Variants in POU2F2 observed in about 807,000 individuals in gnomAD.
The protein encoded by POU2F2 is POU class 2 homeobox 2.
POU2F2 carries 14 observed loss-of-function variants against 63.5 expected under a neutral mutation model. That is an observed-to-expected ratio of 0.22 (90% CI 0.15 to 0.34). The LOEUF (loss-of-function observed/expected upper bound fraction) is 0.34. POU2F2 is among the 10% of genes least tolerant of loss of function. POU2F2 has a pLI of 1.00. For synonymous variants in POU2F2, 306 were observed against 348.6 expected, an observed-to-expected ratio of 0.88 and a Z score of 1.36; for missense variants, 607 against 815.2, an observed-to-expected ratio of 0.74 and a Z score of 3.11.
rs1357875720 is a variant in POU2F2 at position 42,169,611 on chromosome 19, G to A, written c.-70+6352C>T. Among the ~76,000 whole-genome samples the A allele has an allele frequency of 1.3e-5, 2 of 152,220 alleles. No homozygotes were observed. The highest frequency in any genetic ancestry group is 6.5e-5 in the Admixed American group (1 of 15,290). On this transcript the variant is annotated intron_variant, in intron 1 of 6. Transcript: ENST00000524801. The surrounding 1 kb of genome is among the most constrained non-coding windows in gnomAD (Gnocchi z 4.3). ...ACCCAAGGGTGCACATGGCTACCAT[G>A]TGTTTCAGAATCTGTGTATGTCTCT...
At chr19:42,195,362 TCA>T (rs1004546834) in intron 1 of POU2F2, among the ~76,000 whole-genome samples, 1 of 136,386 alleles carries the variant, frequency 7.3e-6, no homozygotes, top group African/African-American at 2.8e-5. Context: ...AGACGGAGTC[TCA>T]TTCTGTCGCC....
intron 2 of POU2F2, among the ~76,000 whole-genome samples, chr19:42,141,473 C>CTTTTTT (rs58221767): frequency 1.4e-4 from 14 of 98,966 alleles, no homozygotes; most frequent in Non-Finnish European, 1.9e-4. Flanking sequence ...CTTAATTAAT[C>CTTTTTT]TTTTTTTTTT....
At position 42,088,320 on chromosome 19, in the gene POU2F2, G is replaced by GGCTGCACA. The variant is rs1440748147; in HGVS notation, c.*2929_*2936dup. The GGCTGCACA allele has an allele frequency of 6.6e-6, 1 of 151,944 alleles. No individual in the cohort carries two copies. Among genetic ancestry groups the GGCTGCACA allele is most frequent in the Non-Finnish European group, 1.5e-5 (1 of 67,978 alleles). The allele number at this position is 151,944 out of a possible 1,614,324, so 9.4% of individuals were successfully genotyped here. ...GATGGGGAGGGTCCCCAGCACCCCCGGCTGCACAGGGGTCCCTCCACCAAC... is the reference window on the plus strand; with the variant it reads ...GATGGGGAGGGTCCCCAGCACCCCCGGCTGCACAGCTGCACAGGGGTCCCTCCACCAAC... On this transcript the variant is annotated 3_prime_UTR_variant, in exon 15 of 15. Coordinates refer to ENST00000692977, the MANE Select transcript of POU2F2 (RefSeq NM_001394376.1).
Position 42,162,377 on chromosome 19 carries a change from T to C in POU2F2, c.-69-1985A>G, listed in dbSNP as rs1410304963. The stretch of plus-strand genomic sequence containing the variant: ...GAGACAGTCCATGGGATCTAGGAGC[T>C]GTATTCCCAGCAGTGCCTTAAGACT... On this transcript the variant is annotated intron_variant, in intron 1 of 6. Coordinates refer to the POU2F2 transcript ENST00000524801. This position sits in a 1 kb window ranked among gnomAD's most constrained non-coding sequence, Gnocchi z 4.1. 6.6e-6 allele frequency among the ~76,000 whole-genome samples: 1 copy of C among 152,022 alleles called. No individual in the cohort carries two copies. Among genetic ancestry groups the C allele is most frequent in the Non-Finnish European group, 1.5e-5 (1 of 68,002 alleles).
At chr19:42,187,331 G>A (rs1383998515) in intron 1 of POU2F2, among the ~76,000 whole-genome samples, 1 of 151,832 alleles carries the variant, frequency 6.6e-6, no homozygotes, top group African/African-American at 2.4e-5. Context: ...CGGGCGTGGT[G>A]GAGGGTGCCT....
chr19:42,195,732 C>T (rs547158475), intron 1 of POU2F2, among the ~76,000 whole-genome samples: 1 of 140,190 alleles, frequency 7.1e-6, no homozygotes, highest in South Asian at 2.6e-4. Flanking sequence ...TTCCCTCCCT[C>T]CCTCCCTTCC....
upstream of POU2F2, among the ~76,000 whole-genome samples, chr19:42,135,479 G>A (rs1378971790): frequency 6.6e-6 from 1 of 151,700 alleles, no homozygotes; most frequent in Non-Finnish European, 1.5e-5. Flanking sequence ...TGATAGGGGT[G>A]GCAGACAAAC....
intron 5 of POU2F2, among the ~76,000 whole-genome samples, chr19:42,101,002 G>A (rs1050205462): frequency 6.6e-6 from 1 of 152,180 alleles, no homozygotes; most frequent in East Asian, 1.9e-4. Context: ...AGGAGGCTGA[G>A]GCAGGAGAAT....
intron 1 of POU2F2, among the ~76,000 whole-genome samples, chr19:42,173,704 C>T (rs1372325654): frequency 6.6e-6 from 1 of 152,064 alleles, no homozygotes; most frequent in African/African-American, 2.4e-5. Context: ...ACACAGACAC[C>T]TTCCATTTTC....
intron 1 of POU2F2, among the ~76,000 whole-genome samples, chr19:42,164,291 CAAA>C (rs542411101): frequency 1.0e-4 from 9 of 88,122 alleles, no homozygotes; most frequent in African/African-American, 1.4e-4. Flanking sequence ...CATTCTGTCT[CAAA>C]AAAAAAAAAA....
At chr19:42,122,634 G>A (rs573847737) in intron 1 of POU2F2, 58 bp from the exon 2 acceptor site, 34 of 1,418,890 alleles carry the variant, frequency 2.4e-5, no homozygotes, top group Non-Finnish European at 2.9e-5. Flanking sequence ...GAGGGCTCTC[G>A]GGCCCCCATT....
At chr19:42,151,327 C>T (rs920750389) in intron 2 of POU2F2, among the ~76,000 whole-genome samples, 4 of 151,970 alleles carry the variant, frequency 2.6e-5, no homozygotes, top group Non-Finnish European at 5.9e-5. Flanking sequence ...GGGTGGGGGC[C>T]GCCTGCCCCT....
intron 5 of POU2F2, 107 bp from the exon 6 acceptor site, chr19:42,099,928 A>G: frequency 1.1e-6 from 1 of 874,608 alleles, no homozygotes; most frequent in Admixed American, 2.1e-5. Flanking sequence ...GCTGCTCCAC[A>G]TGGCGATCTG....
At position 42,196,022 on chromosome 19, in the gene POU2F2, T is replaced by C. The variant is rs138146122; in HGVS notation, c.-70+361A>G. Among the ~76,000 whole-genome samples the C allele has an allele frequency of 1.6e-3, 241 of 152,260 alleles. 5 individuals carry two copies. In the East Asian group the frequency reaches 0.044, roughly 28 times the overall value. On this transcript the variant is annotated intron_variant, in intron 1 of 5. Coordinates refer to the POU2F2 transcript ENST00000532176. ...CTCGAACTCCTGACCTCAGGTAATA[T>C]GAACAGTTCGTTTCTGTCCTGCACT...
intron 3 of POU2F2, 25 bp downstream of exon 3, chr19:42,122,319 T>G: frequency 1.0e-5 from 5 of 485,016 alleles, no homozygotes; most frequent in Non-Finnish European, 1.5e-5. Flanking sequence ...TCCCACCCCC[T>G]CCCGCTTATC....
At chr19:42,093,622 G>A in intron 12 of POU2F2, 1 of 420,692 alleles carries the variant, frequency 2.4e-6, no homozygotes, top group South Asian at 8.5e-5. Flanking sequence ...TTTCTCATAT[G>A]AAATCGTGAA....
At chr19:42,187,961 C>T (rs1323624858) in intron 1 of POU2F2, among the ~76,000 whole-genome samples, 1 of 151,842 alleles carries the variant, frequency 6.6e-6, no homozygotes, top group Admixed American at 6.6e-5. Flanking sequence ...TGAACGTGGG[C>T]TGAACCTTTT....
At position 42,153,315 on chromosome 19, in the gene POU2F2, G is replaced by T. The variant is rs2034391683; in HGVS notation, c.-9+7017C>A. Among the ~76,000 whole-genome samples, 1 of 152,158 alleles carries T rather than the reference G, an allele frequency of 6.6e-6. No individual in the cohort carries two copies. On this transcript the variant is annotated intron_variant, in intron 2 of 6. Coordinates refer to the POU2F2 transcript ENST00000524801. This position sits in a 1 kb window ranked among gnomAD's most constrained non-coding sequence, Gnocchi z 5.6. ...GGATGTGTCCCAGGAGCACTGGGTG[G>T]CTGTGTATGCACTTCCATGAGTGTT...
At chr19:42,195,071 A>AAGGC (rs1568430844) in intron 1 of POU2F2, among the ~76,000 whole-genome samples, 1 of 64,648 alleles carries the variant, frequency 1.5e-5, no homozygotes, top group African/African-American at 6.9e-5. Flanking sequence ...GGGAGGGAGG[A>AAGGC]AGGAAGGGAG....
Sources: gnomAD v4.1 joint callset for allele counts (sites outside exome capture counted in the v4.1 genomes callset) on GRCh38, gnomAD v4.1.1 for gene constraint, Gnocchi (gnomAD v3.1) non-coding constraint, MANE v1.5 for transcripts, NCBI Gene and HGNC (gene_info 2026-07-23, HGNC 2026-07-21) for gene names.